Variants in STAT4 observed in about 807,000 individuals in gnomAD.
The protein encoded by STAT4 is signal transducer and activator of transcription 4.
Under a neutral mutation model 110.5 loss-of-function variants are expected in STAT4, and 42 were observed. The observed-to-expected ratio is 0.38, with a 90% CI of 0.30 to 0.49. The LOEUF (loss-of-function observed/expected upper bound fraction) is 0.49, where lower values mean the gene tolerates loss of function less well. Ranked by LOEUF, STAT4 falls within the 20% of genes least tolerant of loss-of-function variation. STAT4 has a pLI of 0.95. For synonymous variants in STAT4, 284 were observed against 302.2 expected, an observed-to-expected ratio of 0.94 and a Z score of 0.63; for missense variants, 632 against 887.9, an observed-to-expected ratio of 0.71 and a Z score of 3.66.
chr2:191,056,121 G>A (rs1032194260), intron 13 of STAT4, among the ~76,000 whole-genome samples: 3 of 152,090 alleles, frequency 2.0e-5, no homozygotes, highest in Non-Finnish European at 4.4e-5. Context: ...TTATCTTTTA[G>A]AAACATTTTA....
chr2:191,132,148 G>A (rs908598290), intron 3 of STAT4, among the ~76,000 whole-genome samples: 1 of 151,768 alleles, frequency 6.6e-6, no homozygotes, highest in East Asian at 1.9e-4. Context: ...GTATGCATCA[G>A]TAGGGCTAGT....
intron 8 of STAT4, 143 bp downstream of exon 8, chr2:191,064,664 T>C: frequency 2.9e-6 from 3 of 1,021,784 alleles, no homozygotes; most frequent in Non-Finnish European, 4.1e-6. Flanking sequence ...TGTTTTCAAC[T>C]GTAGATTTCT....
chr2:191,112,322 C>T lies in STAT4; in HGVS notation c.273+34291G>A, dbSNP rs577464133. ...CTAGCTATGTGACCTTGGGCAACAGCGTGACCTTTCCAAGCCTCAGTTCCC... is the reference window on the plus strand; with the variant it reads ...CTAGCTATGTGACCTTGGGCAACAGTGTGACCTTTCCAAGCCTCAGTTCCC... On this transcript the variant is annotated intron_variant, in intron 3 of 23. Transcript: ENST00000392320. This position sits in a 1 kb window ranked among gnomAD's most constrained non-coding sequence, Gnocchi z 4.3. Among the ~76,000 whole-genome samples the T allele has an allele frequency of 2.7e-4, 41 of 152,220 alleles. No individual in the cohort carries two copies. The highest frequency in any genetic ancestry group is 2.6e-3 in the Admixed American group (39 of 15,292).
chr2:191,073,964 AT>A (rs1166851231), intron 4 of STAT4, among the ~76,000 whole-genome samples: 1 of 152,208 alleles, frequency 6.6e-6, no homozygotes, highest in African/African-American at 2.4e-5. Flanking sequence ...AACTTTTGAA[AT>A]TGTATAAAAC....
At chr2:191,078,286 C>T (rs189745002) in intron 3 of STAT4, among the ~76,000 whole-genome samples, 1 of 152,232 alleles carries the variant, frequency 6.6e-6, no homozygotes, top group Non-Finnish European at 1.5e-5. Flanking sequence ...CATTCAGATA[C>T]TACCTTTCAA....
At chr2:191,078,992 A>C (rs1474520792) in intron 3 of STAT4, among the ~76,000 whole-genome samples, 2 of 152,070 alleles carry the variant, frequency 1.3e-5, no homozygotes, top group Admixed American at 6.6e-5. Flanking sequence ...CCAAATTCCA[A>C]TAACATTTAC....
chr2:191,148,102 C>T lies in STAT4; in HGVS notation c.102G>A (p.Leu34=). The change falls in exon 2 of 24, where the codon TTG becomes TTA. Residue 34 remains leucine, a synonymous_variant. Coordinates refer to ENST00000392320, the MANE Select transcript of STAT4 (RefSeq NM_003151.4). ...AGTCTTGATTTTCAATCCATTGGGC[C>T]AACAGATGCCGAATTTCCATGGGAA... ...DNFPMEIRHL[L]AQWIENQDWE... is the part of the protein sequence containing the mutation. 1 of 1,613,720 alleles carries T rather than the reference C, an allele frequency of 6.2e-7. No individual in the cohort carries two copies. Among genetic ancestry groups the T allele is most frequent in the Non-Finnish European group, 8.5e-7 (1 of 1,179,800 alleles).
chr2:191,094,329 C>A (rs1463576490), intron 3 of STAT4, among the ~76,000 whole-genome samples: 1 of 152,182 alleles, frequency 6.6e-6, no homozygotes, highest in Non-Finnish European at 1.5e-5. Context: ...TTGTTAAGGG[C>A]AGCCAGAGAG....
At chr2:191,137,379 T>A (rs1381375169) in intron 3 of STAT4, among the ~76,000 whole-genome samples, 1 of 151,972 alleles carries the variant, frequency 6.6e-6, no homozygotes, top group African/African-American at 2.4e-5. Flanking sequence ...TGGAAAGACA[T>A]CTCTATGTTC....
At position 191,032,278 on chromosome 2, in the gene STAT4, T is replaced by A. The variant is rs1695917540; in HGVS notation, c.2044+680A>T. The A allele has an allele frequency of 6.6e-6, 1 of 152,278 alleles. No individual in the cohort carries two copies. Among genetic ancestry groups the A allele is most frequent in the Non-Finnish European group, 1.5e-5 (1 of 68,070 alleles). 9.4% of individuals were successfully genotyped at this position (152,278 alleles called of 1,614,324 possible). ...TATAGATGAAGATTTTTATGGATTG[T>A]ATACACTTTCATTAAAGAAACAGAA... On this transcript the variant is annotated intron_variant, in intron 21 of 23. Coordinates refer to ENST00000392320, the MANE Select transcript of STAT4 (RefSeq NM_003151.4). This position sits in a 1 kb window ranked among gnomAD's most constrained non-coding sequence, Gnocchi z 4.9.
chr2:191,106,226 T>C (rs1236139306), intron 3 of STAT4, among the ~76,000 whole-genome samples: 1 of 152,154 alleles, frequency 6.6e-6, no homozygotes, highest in Non-Finnish European at 1.5e-5. Context: ...ACCGTAACCC[T>C]TGGGATCTCA....
At chr2:191,148,480 T>A (rs1490136356) in intron 1 of STAT4, among the ~76,000 whole-genome samples, 1 of 152,136 alleles carries the variant, frequency 6.6e-6, no homozygotes, top group East Asian at 1.9e-4. Flanking sequence ...ACACCCCACA[T>A]CCTGCCCACA....
At position 191,057,991 on chromosome 2, in the gene STAT4, CCTGTTTAA is replaced by C. The variant is rs760179209; in HGVS notation, c.1206+19_1206+26del. On this transcript the variant is annotated intron_variant, in intron 13 of 23. Transcript: ENST00000392320. ...ATGTCTGATTTTGGGGAAAAAAAAG[CCTGTTTAA>C]CTTTACTGCCAAACTTACCAAATGT... 21 of 1,572,740 alleles carry C rather than the reference CCTGTTTAA, an allele frequency of 1.3e-5. No individual in the cohort carries two copies. Among genetic ancestry groups the C allele is most frequent in the Admixed American group, 1.7e-5 (1 of 59,524 alleles).
At chr2:191,076,491 T>C (rs1697322381) in intron 3 of STAT4, among the ~76,000 whole-genome samples, 166 bp from the exon 4 acceptor site, 1 of 152,182 alleles carries the variant, frequency 6.6e-6, no homozygotes, top group Non-Finnish European at 1.5e-5. Flanking sequence ...GAGAAACTCA[T>C]ACTGTAAACG....
chr2:191,128,613 T>C (rs1185745628), intron 3 of STAT4, among the ~76,000 whole-genome samples: 1 of 152,200 alleles, frequency 6.6e-6, no homozygotes, highest in Non-Finnish European at 1.5e-5. Context: ...AGCTCTAACA[T>C]ATTTTCGTTC....
rs759785386 is a variant in STAT4 at position 191,039,207 on chromosome 2, C to T, written c.1426G>A (p.Asp476Asn). The T allele has an allele frequency of 3.7e-6, 6 of 1,613,950 alleles. No individual in the cohort carries two copies. The Admixed American group carries it at 8.3e-5, about 22-fold the overall frequency. Residue 476 changes from aspartate (D) to asparagine (N), a missense_variant, in exon 16 of 24, where the codon GAT (aspartate) becomes AAT (asparagine). Asp to Asn is a conservative substitution (Grantham distance 23, BLOSUM62 1). This residue lies in a region of STAT4 where 488 missense variants were observed against 632.8 expected (regional missense o/e 0.77). Transcript: ENST00000392320. The surrounding 1 kb of genome is among the most constrained non-coding windows in gnomAD (Gnocchi z 4.7). ...GTAGAAATAGAGTCTACCTGGGAAT[C>T]GTTGGTTGACACGTTGTACCAAATG... ...SIIWYNVSTN[D>N]SQNLVFFNNP...
intron 3 of STAT4, among the ~76,000 whole-genome samples, chr2:191,141,614 CAT>C (rs34244963): frequency 0.2 from 28,813 of 146,022 alleles, 3,189 homozygotes; most frequent in Middle Eastern, 0.32. Context: ...TACACACACA[CAT>C]ATATATATAT....
In STAT4 at chr2:191,029,960, A is replaced by AT. The variant is rs1460161589; in HGVS notation, c.2221-95dup. The AT allele has an allele frequency of 1.0e-6, 1 of 971,340 alleles. No individual in the cohort carries two copies. The highest frequency in any genetic ancestry group is 1.7e-5 in the African/African-American group (1 of 60,528). 60.2% of individuals were successfully genotyped at this position (971,340 alleles called of 1,614,324 possible). A position where few individuals can be genotyped will look rare whatever the true frequency, so the allele number is the denominator to read the frequency against. On this transcript the variant is annotated intron_variant, in intron 23 of 23. Transcript: ENST00000392320. The surrounding 1 kb of genome is among the most constrained non-coding windows in gnomAD (Gnocchi z 4.5). Reference sequence around the variant, plus strand: ...CAAATAAACGTCCTCTTTTCTACGAATTACTCCATAATTTTTCTATTACCT... The same window carrying AT: ...CAAATAAACGTCCTCTTTTCTACGAATTTACTCCATAATTTTTCTATTACCT...
intron 3 of STAT4, among the ~76,000 whole-genome samples, chr2:191,141,877 ACAGG>A (rs1035985845): frequency 2.0e-5 from 3 of 152,062 alleles, no homozygotes; most frequent in African/African-American, 7.2e-5. Context: ...TACTGGAATT[ACAGG>A]TGTGAGCTAC....
Sources: allele counts gnomAD v4.1 joint callset (sites outside exome capture counted in the v4.1 genomes callset), GRCh38; gene constraint gnomAD v4.1.1; regional missense constraint gnomAD v4.1.1; non-coding constraint Gnocchi (gnomAD v3.1); transcripts MANE v1.5; gene names NCBI Gene and HGNC (gene_info 2026-07-23, HGNC 2026-07-21).